The following SPACA6 variants were observed in gnomAD, a reference collection of about 807,000 sequenced individuals.
The protein encoded by SPACA6 is sperm acrosome membrane-associated protein 6.
For synonymous variants in SPACA6, 6 were observed against 1.5 expected, an observed-to-expected ratio of 4.05 and a Z score of -2.21; for missense variants, 8 against 2.8, an observed-to-expected ratio of 2.88 and a Z score of -1.34.
rs781035959 is a variant in SPACA6, at chr19:51,703,357, G to C, written c.573+20G>C. On this transcript the variant is annotated intron_variant, in intron 6 of 8. Coordinates refer to ENST00000637797, the MANE Select transcript of SPACA6 (RefSeq NM_001316972.2). This position sits in a 1 kb window ranked among gnomAD's most constrained non-coding sequence, Gnocchi z 4.2. ...GGAGGTGTGAGTCGGGGCGGGGCCGGCGCGAAGAGTTTAGACGGGCGAGTT... is the reference window on the plus strand; with the variant it reads ...GGAGGTGTGAGTCGGGGCGGGGCCGCCGCGAAGAGTTTAGACGGGCGAGTT... The C allele has an allele frequency of 1.8e-5, 7 of 399,210 alleles. No homozygotes were observed. The highest frequency in any genetic ancestry group is 2.2e-5 in the Non-Finnish European group (5 of 226,116). The allele number at this position is 399,210 out of a possible 1,614,324, so 24.7% of individuals were successfully genotyped here.
chr19:51,704,695 C>A, intron 8 of SPACA6: 1 of 398,012 alleles, frequency 2.5e-6, no homozygotes, highest in East Asian at 3.6e-5. Flanking sequence ...GTCCAGGCCC[C>A]CAGCCCCTCC....
chr19:51,696,246 G>A (rs999621053), intron 2 of SPACA6, among the ~76,000 whole-genome samples: 5 of 152,226 alleles, frequency 3.3e-5, no homozygotes, highest in African/African-American at 9.6e-5. Flanking sequence ...GGTGCAATAC[G>A]TTCAATTATA....
upstream of SPACA6, among the ~76,000 whole-genome samples, chr19:51,691,770 G>A (rs1395946416): frequency 6.6e-6 from 1 of 150,696 alleles, no homozygotes; most frequent in Non-Finnish European, 1.5e-5. Flanking sequence ...GGCTGGGCAC[G>A]GGAGAGACCC....
At chr19:51,700,313 T>C (rs999422413) in intron 2 of SPACA6, among the ~76,000 whole-genome samples, 1 of 152,016 alleles carries the variant, frequency 6.6e-6, no homozygotes, top group African/African-American at 2.4e-5. Flanking sequence ...TGGGTAAATA[T>C]AGAAGTGAAT....
At chr19:51,702,716 C>T (rs868599397) in intron 4 of SPACA6, 64 bp downstream of exon 4, 1 of 399,108 alleles carries the variant, frequency 2.5e-6, no homozygotes, top group East Asian at 3.6e-5. Flanking sequence ...ACGAAACGTA[C>T]GACATCAAGT....
At chr19:51,695,141 G>A (rs534918512) in intron 2 of SPACA6, among the ~76,000 whole-genome samples, 2 of 152,154 alleles carry the variant, frequency 1.3e-5, no homozygotes, top group Non-Finnish European at 2.9e-5. Flanking sequence ...TAGAGGGCGG[G>A]AAAACAGGAA....
At chr19:51,707,676 C>T (rs561837106), downstream of SPACA6, among the ~76,000 whole-genome samples, 7 of 152,252 alleles carry the variant, frequency 4.6e-5, no homozygotes, top group African/African-American at 1.4e-4. Context: ...GGGTTAGCGT[C>T]GCACTACACA....
chr19:51,703,926 CA>C lies in SPACA6; in HGVS notation c.574-103del. 1 of 395,638 alleles carries C rather than the reference CA, an allele frequency of 2.5e-6. No homozygotes were observed. The highest frequency in any genetic ancestry group is 4.4e-6 in the Non-Finnish European group (1 of 225,346). 24.5% of individuals were successfully genotyped at this position (395,638 alleles called of 1,614,324 possible). A position where few individuals can be genotyped will look rare whatever the true frequency, so the allele number is the denominator to read the frequency against. On this transcript the variant is annotated intron_variant, in intron 6 of 8. Transcript: ENST00000637797. The surrounding 1 kb of genome is among the most constrained non-coding windows in gnomAD (Gnocchi z 4.2). ...AAGGCTCGGGGGCGGGCTCAAGGCTCAGGGCCAGGACTCCAGGGGGCGTGGT... is the reference window on the plus strand; with the variant it reads ...AAGGCTCGGGGGCGGGCTCAAGGCTCGGGCCAGGACTCCAGGGGGCGTGGT...
chr19:51,707,229 CCTT>C (rs2083520174), downstream of SPACA6, among the ~76,000 whole-genome samples: 2 of 125,272 alleles, frequency 1.6e-5, no homozygotes, highest in East Asian at 2.3e-4. Context: ...TCTCTCTCTC[CCTT>C]TTTTTTTTTT....
At chr19:51,709,047 A>G (rs902347655), downstream of SPACA6, among the ~76,000 whole-genome samples, 14 of 151,972 alleles carry the variant, frequency 9.2e-5, no homozygotes, top group African/African-American at 3.4e-4. Context: ...TGGCTGCTAT[A>G]AAGTCTAGAC....
At chr19:51,707,331 G>A (rs144632037), downstream of SPACA6, among the ~76,000 whole-genome samples, 831 of 149,852 alleles carry the variant, frequency 5.5e-3, 6 homozygotes, top group African/African-American at 0.019. Context: ...AGCAATTCTC[G>A]TGCCTCAGTG....
chr19:51,690,244 G>A (rs540839384), upstream of SPACA6, among the ~76,000 whole-genome samples: 5 of 151,440 alleles, frequency 3.3e-5, no homozygotes, highest in Admixed American at 2.0e-4. Context: ...CAGGATCCAG[G>A]AGTCTGAGCC....
upstream of SPACA6, chr19:51,692,667 C>T (rs753022916): frequency 6.9e-5 from 37 of 532,824 alleles, no homozygotes; most frequent in Non-Finnish European, 1.3e-4. This position sits in a 1 kb window ranked among gnomAD's most constrained non-coding sequence, Gnocchi z 5.6. Flanking sequence ...AAGCTCGTGT[C>T]TGTGGGTCCG....
At chr19:51,687,657 T>TAGGG (rs2083334875), upstream of SPACA6, 1 of 152,134 alleles carries the variant, frequency 6.6e-6, no homozygotes, top group South Asian at 2.1e-4. Context: ...GGCTGGAGGA[T>TAGGG]AGGGAGGGAG....
intron 2 of SPACA6, among the ~76,000 whole-genome samples, chr19:51,710,798 A>G (rs1449346305): frequency 6.6e-6 from 1 of 152,160 alleles, no homozygotes; most frequent in African/African-American, 2.4e-5. Flanking sequence ...AAAGCCAAGT[A>G]GCTATGCTTG....
At chr19:51,704,539 C>T in intron 8 of SPACA6, 59 bp downstream of exon 8, 1 of 400,916 alleles carries the variant, frequency 2.5e-6, no homozygotes, top group East Asian at 3.6e-5. Flanking sequence ...CAGATCCCAC[C>T]GAGAAGTCTG....
chr19:51,695,806 G>A (rs1229110356), intron 2 of SPACA6, among the ~76,000 whole-genome samples: 1 of 152,212 alleles, frequency 6.6e-6, no homozygotes. Flanking sequence ...GTCCAGGCCA[G>A]AGCGGAGGCC....
At chr19:51,695,867 T>C (rs2083427473) in intron 2 of SPACA6, among the ~76,000 whole-genome samples, 1 of 152,064 alleles carries the variant, frequency 6.6e-6, no homozygotes, top group South Asian at 2.1e-4. Context: ...GCCAGAGAGT[T>C]AGGTCTGCTG....
At chr19:51,695,387 C>T (rs1476942131) in intron 2 of SPACA6, among the ~76,000 whole-genome samples, 2 of 152,188 alleles carry the variant, frequency 1.3e-5, no homozygotes, top group Non-Finnish European at 2.9e-5. Flanking sequence ...GCAGGAGTTA[C>T]AGAGCCCTGC....
Sources: allele counts gnomAD v4.1 joint callset (sites outside exome capture counted in the v4.1 genomes callset), GRCh38; gene constraint gnomAD v4.1.1; non-coding constraint Gnocchi (gnomAD v3.1); transcripts MANE v1.5; gene names NCBI Gene and HGNC (gene_info 2026-07-23, HGNC 2026-07-21).